The following AK6 variants were observed in gnomAD, a reference collection of about 807,000 sequenced individuals.
The protein encoded by AK6 is adenylate kinase isoenzyme 6.
AK6 carries 24 observed loss-of-function variants against 23.7 expected under a neutral mutation model. The observed-to-expected ratio is 1.01, with a 90% CI of 0.73 to 1.43. The LOEUF is 1.43. Ranked by LOEUF, AK6 falls within the 40% of genes most tolerant of loss-of-function variation. The pLI, the probability that AK6 is intolerant of heterozygous loss-of-function variation, is 0.00. For missense variants in AK6, 191 were observed against 199.1 expected (o/e 0.96, Z 0.24); for synonymous variants, 73 against 69.8 (o/e 1.05, Z -0.23).
At chr5:69,369,230 C>CT in intron 1 of AK6, 1 of 93,728 alleles carries the variant, frequency 1.1e-5, no homozygotes, top group South Asian at 3.2e-4. Flanking sequence ...CTCTCCACCC[C>CT]CCCCCGCCCC....
chr5:69,355,768 C>T lies in AK6; in HGVS notation c.207G>A (p.Met69Ile). The T allele has an allele frequency of 6.2e-7, 1 of 1,611,430 alleles. No individual in the cohort carries two copies. The highest frequency in any genetic ancestry group is 8.5e-7 in the Non-Finnish European group (1 of 1,179,418). The change falls in exon 4 of 5, where the codon ATG becomes ATA. Residue 69 changes from methionine to isoleucine, a missense_variant. By Grantham distance (10) the Met-to-Ile change is conservative (BLOSUM62 1). Transcript: ENST00000380822. ...AATCAACAATAACTCCACCTTCTCT[C>T]ATTTGGTTATCTAACTCATCAACTA... ...DRVVDELDNQ[M>I]REGGVIVDYH...
At chr5:69,363,827 C>T (rs1341527483) in intron 2 of AK6, among the ~76,000 whole-genome samples, 1 of 151,908 alleles carries the variant, frequency 6.6e-6, no homozygotes, top group Non-Finnish European at 1.5e-5. Flanking sequence ...GTAGCTCACA[C>T]CTGTAATCCC....
intron 2 of AK6, chr5:69,365,884 A>G (rs1017345758): frequency 1.7e-6 from 1 of 589,840 alleles, no homozygotes; most frequent in Non-Finnish European, 2.6e-6. Context: ...AATTTAAACC[A>G]TATGTTTTCT....
chr5:69,361,970 T>G (rs922108551), intron 2 of AK6, among the ~76,000 whole-genome samples: 9 of 53,314 alleles, frequency 1.7e-4, no homozygotes, highest in Non-Finnish European at 4.3e-4. Flanking sequence ...CTTGATTCCC[T>G]TTTTTTTTTT....
At chr5:69,365,504 G>A (rs139330602) in intron 2 of AK6, 97 of 1,613,848 alleles carry the variant, frequency 6.0e-5, no homozygotes, top group Middle Eastern at 1.6e-4. Context: ...ACTGATCAGC[G>A]CGGCACTGGA....
intron 1 of AK6, among the ~76,000 whole-genome samples, chr5:69,367,360 A>G (rs1288759908): frequency 6.6e-6 from 1 of 151,732 alleles, no homozygotes; most frequent in Non-Finnish European, 1.5e-5. Context: ...AAATACAAAA[A>G]TTAGCCGGGC....
intron 2 of AK6, among the ~76,000 whole-genome samples, chr5:69,356,318 T>C (rs965607151): frequency 1.3e-5 from 2 of 152,100 alleles, no homozygotes. Flanking sequence ...CCTGAACAGA[T>C]ACAAACACAC....
At position 69,351,403 on chromosome 5, in the gene AK6, G is replaced by C. The variant is rs1192029645; in HGVS notation, c.*658C>G. 6.6e-6 allele frequency: 1 copy of C among 152,112 alleles called. No individual in the cohort carries two copies. The highest frequency in any genetic ancestry group is 1.9e-4 in the East Asian group (1 of 5,204). The allele number at this position is 152,112 out of a possible 1,614,324, so 9.4% of individuals were successfully genotyped here. Reference sequence around the variant, plus strand: ...TCTCAACTAAAAAAAAGAACAGGGAGGTCTGTACTGAGATGATATAATCTT... The same window carrying C: ...TCTCAACTAAAAAAAAGAACAGGGACGTCTGTACTGAGATGATATAATCTT... On this transcript the variant is annotated 3_prime_UTR_variant, in exon 5 of 5. Coordinates refer to ENST00000380822, the MANE Select transcript of AK6 (RefSeq NM_016283.5).
chr5:69,365,462 T>C, intron 2 of AK6: 2 of 1,614,170 alleles, frequency 1.2e-6, no homozygotes, highest in South Asian at 1.1e-5. Flanking sequence ...CAATATCTAA[T>C]AAAAAATCTC....
chr5:69,364,347 T>C (rs1247331318), intron 2 of AK6, among the ~76,000 whole-genome samples: 6 of 152,106 alleles, frequency 3.9e-5, no homozygotes, highest in Admixed American at 3.3e-4. Context: ...GAGACACTTA[T>C]AAATTTTTTT....
chr5:69,365,578 C>T (rs1762387277), intron 2 of AK6: 2 of 1,613,866 alleles, frequency 1.2e-6, no homozygotes, highest in Admixed American at 1.7e-5. Flanking sequence ...TAAATTTTTG[C>T]ATCATCTAGA....
chr5:69,355,679 G>C lies in AK6; in HGVS notation c.296C>G (p.Thr99Ser), dbSNP rs761187475. 2 of 1,612,468 alleles carry C rather than the reference G, an allele frequency of 1.2e-6. No individual in the cohort carries two copies. The highest frequency in any genetic ancestry group is 2.2e-5 in the South Asian group (2 of 90,620). The change falls in exon 4 of 5, where the codon ACC (threonine) becomes AGC (serine). Residue 99 changes from threonine (T) to serine (S), a missense_variant. Transcript: ENST00000380822. ...TTCAAGTCTTTCGTACAATACATTG[G>C]TATCTGTTCTCAGCACAAAAACTAT... ...FHIVFVLRTDTNVLYERLETR... is the reference protein window; with the variant it reads ...FHIVFVLRTDSNVLYERLETR...
chr5:69,365,967 T>C (rs1762405570), intron 2 of AK6, among the ~76,000 whole-genome samples: 2 of 152,140 alleles, frequency 1.3e-5, no homozygotes, highest in South Asian at 2.1e-4. Flanking sequence ...TTGTCGACTA[T>C]AAAAAGATGA....
In AK6 at chr5:69,352,376, C is replaced by A. The variant is rs1166284349; in HGVS notation, c.327-123G>T. 7 of 702,690 alleles carry A rather than the reference C, an allele frequency of 1.0e-5. No homozygotes were observed. The African/African-American group carries it at 1.3e-4, about 13-fold the overall frequency. 43.5% of individuals were successfully genotyped at this position (702,690 alleles called of 1,614,324 possible). ...AAAAATTACAGAAATGGTCTCTTCACCTAGAGAGGAGTGACTGGTACCTGT... is the reference window on the plus strand; with the variant it reads ...AAAAATTACAGAAATGGTCTCTTCAACTAGAGAGGAGTGACTGGTACCTGT... On this transcript the variant is annotated intron_variant, in intron 4 of 4. Coordinates refer to ENST00000380822, the MANE Select transcript of AK6 (RefSeq NM_016283.5).
In AK6 at chr5:69,355,107, G is replaced by C. The variant is rs1229345424; in HGVS notation, c.326+542C>G. Among the ~76,000 whole-genome samples the C allele has an allele frequency of 2.6e-5, 4 of 152,210 alleles. No individual in the cohort carries two copies. The East Asian group carries it at 7.7e-4, about 29-fold the overall frequency. On this transcript the variant is annotated intron_variant, in intron 4 of 4. Transcript: ENST00000380822. ...GTCTCCCAAAGTGCTGGGATTACAA[G>C]CGTGAGCCACTGTGCCCGGCCGACT...
chr5:69,369,589 A>C, upstream of AK6: 2 of 1,597,994 alleles, frequency 1.3e-6, no homozygotes, highest in Non-Finnish European at 1.7e-6. Context: ...CCACGGCCCC[A>C]AAGGCCCCGA....
chr5:69,365,986 A>G (rs1197235066), intron 2 of AK6, among the ~76,000 whole-genome samples: 1 of 152,232 alleles, frequency 6.6e-6, no homozygotes, highest in Non-Finnish European at 1.5e-5. Flanking sequence ...GAAGACACAA[A>G]TAAGGGAGCG....
rs777058229 is a variant in AK6 at position 69,355,824 on chromosome 5, C to T, written c.181-30G>A. On this transcript the variant is annotated intron_variant, in intron 3 of 4. Coordinates refer to ENST00000380822, the MANE Select transcript of AK6 (RefSeq NM_016283.5). The stretch of plus-strand genomic sequence containing the variant: ...AAGAAAAGTTTAAAAAAAAATGCTT[C>T]TTAAGAAAACTGAAGTCAACTTTCC... 15 of 1,595,060 alleles carry T rather than the reference C, an allele frequency of 9.4e-6. No homozygotes were observed. The South Asian group carries it at 1.7e-4, about 18-fold the overall frequency.
intron 4 of AK6, 197 bp downstream of exon 4, chr5:69,355,452 A>C: frequency 1.9e-6 from 1 of 524,834 alleles, no homozygotes; most frequent in Non-Finnish European, 3.2e-6. Flanking sequence ...AATTGCTTGA[A>C]CCAGGGAGGT....
Sources: gnomAD v4.1 joint callset for allele counts (sites outside exome capture counted in the v4.1 genomes callset) on GRCh38, gnomAD v4.1.1 for gene constraint, MANE v1.5 for transcripts, NCBI Gene and HGNC (gene_info 2026-07-23, HGNC 2026-07-21) for gene names.